Variants in AMZ2 observed in about 807,000 individuals in gnomAD.
AMZ2 encodes the protein archaelysin family metallopeptidase 2.
AMZ2 carries 26 observed loss-of-function variants against 36.7 expected under a neutral mutation model. That is an observed-to-expected ratio of 0.71 (90% CI 0.52 to 0.98). AMZ2 has a LOEUF of 0.98. AMZ2 is among the 50% of genes least tolerant of loss of function. The pLI is 0.00. For missense variants in AMZ2, 394 were observed against 430.5 expected, an observed-to-expected ratio of 0.92 and a Z score of 0.75; for synonymous variants, 144 against 149.1, an observed-to-expected ratio of 0.97 and a Z score of 0.25.
intron 1 of AMZ2, among the ~76,000 whole-genome samples, chr17:68,239,736 CA>C (rs1193319437): frequency 6.6e-6 from 1 of 152,166 alleles, no homozygotes; most frequent in Non-Finnish European, 1.5e-5. Context: ...AGACTCCCCT[CA>C]GTGAATAAGC....
In AMZ2 at chr17:68,208,311, C is replaced by G. The variant is rs373419204; in HGVS notation, c.-67+2073C>G. Reference sequence around the variant, plus strand: ...TGGGGGACTTGAAGAACCTTTATGTCTATCTAAGGGATTGTAAATACACCA... The same window carrying G: ...TGGGGGACTTGAAGAACCTTTATGTGTATCTAAGGGATTGTAAATACACCA... On this transcript the variant is annotated intron_variant, in intron 1 of 7. Coordinates refer to the AMZ2 transcript ENST00000674770. Among the ~76,000 whole-genome samples the G allele has an allele frequency of 2.0e-5, 3 of 152,318 alleles. No individual in the cohort carries two copies. In the East Asian group the frequency reaches 5.8e-4, roughly 29 times the overall value.
intron 1 of AMZ2, among the ~76,000 whole-genome samples, chr17:68,238,697 A>G (rs2073842783): frequency 6.6e-6 from 1 of 152,154 alleles, no homozygotes. Flanking sequence ...CCACAGCCCC[A>G]AAGGCCTTAC....
At chr17:68,217,884 C>T (rs370000747) in intron 1 of AMZ2, among the ~76,000 whole-genome samples, 2 of 149,598 alleles carry the variant, frequency 1.3e-5, no homozygotes, top group East Asian at 3.9e-4. Context: ...GTGATCTCAG[C>T]TCACTGCAAG....
chr17:68,236,306 A>T (rs782384863), intron 1 of AMZ2, among the ~76,000 whole-genome samples: 1 of 152,032 alleles, frequency 6.6e-6, no homozygotes, highest in Non-Finnish European at 1.5e-5. Flanking sequence ...AAACTATGTA[A>T]ATTTATATAT....
chr17:68,248,481 A>C lies in AMZ2; in HGVS notation c.-225A>C. 1 of 986,116 alleles carries C rather than the reference A, an allele frequency of 1.0e-6. No homozygotes were observed. Among genetic ancestry groups the C allele is most frequent in the Non-Finnish European group, 1.2e-6 (1 of 830,088 alleles). The allele number at this position is 986,116 out of a possible 1,614,324, so 61.1% of individuals were successfully genotyped here. A position where few individuals can be genotyped will look rare whatever the true frequency, so the allele number is the denominator to read the frequency against. On this transcript the variant is annotated 5_prime_UTR_variant, in exon 1 of 7. Transcript: ENST00000359904. ...TCTGGTTTTGGGACCAAAGCATCCT[A>C]GGCCTCCAGCCCACTGCAGTGACCG...
intron 1 of AMZ2, among the ~76,000 whole-genome samples, chr17:68,228,126 C>T (rs1387954492): frequency 6.6e-6 from 1 of 152,112 alleles, no homozygotes; most frequent in Non-Finnish European, 1.5e-5. Flanking sequence ...CATCATCTTT[C>T]CTGCCCGAGC....
At chr17:68,233,376 G>A (rs1340143346) in intron 1 of AMZ2, among the ~76,000 whole-genome samples, 5 of 152,132 alleles carry the variant, frequency 3.3e-5, no homozygotes, top group South Asian at 4.2e-4. Flanking sequence ...GGGCGTGGTC[G>A]TGGGCATTTG....
intron 1 of AMZ2, chr17:68,206,261 G>T (rs71376950): frequency 0.13 from 172,083 of 1,296,406 alleles, 12,277 homozygotes; most frequent in Non-Finnish European, 0.15. Context: ...CCCAGTTGCT[G>T]CAGACTCCTT....
At chr17:68,255,500 G>A (rs549038142) in intron 5 of AMZ2, among the ~76,000 whole-genome samples, 200 bp from the exon 6 acceptor site, 2 of 152,350 alleles carry the variant, frequency 1.3e-5, no homozygotes, top group East Asian at 1.9e-4. Context: ...TGAGGTTGAG[G>A]AAGTCTATAG....
chr17:68,220,073 T>C (rs2073307931), intron 1 of AMZ2, among the ~76,000 whole-genome samples: 1 of 152,172 alleles, frequency 6.6e-6, no homozygotes, highest in African/African-American at 2.4e-5. Context: ...ATGAATTATA[T>C]CTCAATAAGG....
intron 1 of AMZ2, among the ~76,000 whole-genome samples, chr17:68,211,771 T>C (rs1555726053): frequency 1.6e-5 from 2 of 123,762 alleles, no homozygotes; most frequent in Non-Finnish European, 1.6e-5. Flanking sequence ...TATATATGTG[T>C]ATATGTATAT....
intron 1 of AMZ2, among the ~76,000 whole-genome samples, chr17:68,233,277 G>C (rs1436140272): frequency 6.6e-6 from 1 of 152,204 alleles, no homozygotes; most frequent in Middle Eastern, 3.2e-3. Context: ...GGGAGGCTGA[G>C]GCAAGTGAAT....
At chr17:68,245,401 C>CT (rs57298607), upstream of AMZ2, among the ~76,000 whole-genome samples, 15,695 of 144,952 alleles carry the variant, frequency 0.11, 1,359 homozygotes, top group African/African-American at 0.23. Flanking sequence ...CTACACCTGG[C>CT]TTTTTTTTTT....
chr17:68,241,750 G>C (rs1463679026), intron 1 of AMZ2, among the ~76,000 whole-genome samples: 2 of 150,888 alleles, frequency 1.3e-5, no homozygotes, highest in Non-Finnish European at 2.9e-5. Context: ...TATTGAGATG[G>C]AGTCTTGCTC....
chr17:68,207,513 C>CT (rs2072877617), intron 1 of AMZ2: 1 of 151,870 alleles, frequency 6.6e-6, no homozygotes. Flanking sequence ...AAAAAGGACC[C>CT]TTTTTTCCTT....
chr17:68,228,457 C>A (rs12942732), intron 1 of AMZ2, among the ~76,000 whole-genome samples: 12,608 of 152,240 alleles, frequency 0.083, 728 homozygotes, highest in Non-Finnish European at 0.12. Flanking sequence ...TGCCCATCGG[C>A]AAAATGCTTC....
At chr17:68,225,026 AC>A (rs71142154) in intron 1 of AMZ2, among the ~76,000 whole-genome samples, 20,037 of 137,144 alleles carry the variant, frequency 0.15, 1,476 homozygotes, top group African/African-American at 0.19. Context: ...AAAAAAAAAA[AC>A]ACACACACAC....
chr17:68,218,961 AT>A (rs2073273302), intron 1 of AMZ2, among the ~76,000 whole-genome samples: 1 of 152,100 alleles, frequency 6.6e-6, no homozygotes, highest in Non-Finnish European at 1.5e-5. Flanking sequence ...AAAGTGGTCT[AT>A]ATGTAACCCC....
intron 1 of AMZ2, among the ~76,000 whole-genome samples, chr17:68,216,925 C>T (rs1271854910): frequency 6.6e-6 from 1 of 150,708 alleles, no homozygotes; most frequent in Admixed American, 6.7e-5. Flanking sequence ...TCCAGCTACT[C>T]GGGAGGCTGA....
Sources: allele counts gnomAD v4.1 joint callset (sites outside exome capture counted in the v4.1 genomes callset), GRCh38; gene constraint gnomAD v4.1.1; transcripts MANE v1.5; gene names NCBI Gene and HGNC (gene_info 2026-07-23, HGNC 2026-07-21).